Variants in ABCD3 observed in about 807,000 individuals in gnomAD.
ABCD3 encodes ATP binding cassette subfamily D member 3, also known as ATP-binding cassette sub-family D member 3.
ABCD3 carries 41 observed loss-of-function variants against 105.5 expected under a neutral mutation model. That is an observed-to-expected ratio of 0.39 (90% CI 0.30 to 0.50). ABCD3 has a LOEUF of 0.50. Ranked by LOEUF, ABCD3 falls within the 20% of genes least tolerant of loss-of-function variation. The pLI is 0.84. For synonymous variants in ABCD3, 258 were observed against 269.0 expected (o/e 0.96, Z 0.40); for missense variants, 622 against 806.3 (o/e 0.77, Z 2.77).
intron 1 of ABCD3, among the ~76,000 whole-genome samples, chr1:94,444,273 A>G (rs1660252233): frequency 6.9e-6 from 1 of 144,142 alleles, no homozygotes; most frequent in African/African-American, 2.6e-5. Flanking sequence ...CGGAGGTTGC[A>G]TTGAGCCAGG....
In ABCD3 at chr1:94,427,366, C is replaced by T. The variant is rs537873357; in HGVS notation, c.110+8778C>T. 3.8e-4 allele frequency among the ~76,000 whole-genome samples: 58 copies of T among 152,268 alleles called. 1 individual carries two copies. The highest frequency in any genetic ancestry group is 3.4e-3 in the Middle Eastern group (1 of 294). ...TAGTGAACAAAATTTACAAAAATTT[C>T]GTGGTCCCTTTCAAAGAAAAGAATG... On this transcript the variant is annotated intron_variant, in intron 1 of 22. Coordinates refer to ENST00000370214, the MANE Select transcript of ABCD3 (RefSeq NM_002858.4).
chr1:94,506,972 G>T (rs753408295), intron 21 of ABCD3, among the ~76,000 whole-genome samples: 12 of 151,470 alleles, frequency 7.9e-5, no homozygotes, highest in Non-Finnish European at 1.6e-4. Flanking sequence ...TATGTTAAAA[G>T]ATTTATTTAT....
chr1:94,417,405 T>C (rs546609292), upstream of ABCD3, among the ~76,000 whole-genome samples: 45 of 152,348 alleles, frequency 3.0e-4, no homozygotes, highest in African/African-American at 1.1e-3. Flanking sequence ...TCTGACACAC[T>C]TGCTTTTCTC....
At chr1:94,392,865 G>A in the ABCD3 span, among the ~76,000 whole-genome samples, 2 of 152,096 alleles carry the variant, frequency 1.3e-5, no homozygotes, top group Admixed American at 1.3e-4. Flanking sequence ...TGTAATCCCT[G>A]CACTTTGGGA....
chr1:94,513,838 GA>G (rs1308579732), intron 21 of ABCD3: 1 of 151,958 alleles, frequency 6.6e-6, no homozygotes, highest in East Asian at 1.9e-4. Context: ...TGAAAAATCA[GA>G]AAAGTGTGGT....
chr1:94,390,007 A>T, the ABCD3 span, among the ~76,000 whole-genome samples: 3 of 152,200 alleles, frequency 2.0e-5, no homozygotes, highest in Non-Finnish European at 4.4e-5. Context: ...GTAAAATGGC[A>T]AATATGTACT....
At chr1:94,491,684 G>A (rs575314848) in intron 16 of ABCD3, among the ~76,000 whole-genome samples, 49 of 152,194 alleles carry the variant, frequency 3.2e-4, no homozygotes, top group African/African-American at 1.2e-3. Flanking sequence ...CCGCACAGTA[G>A]CGCTACAAAT....
At chr1:94,469,459 G>A (rs931749569) in intron 4 of ABCD3, among the ~76,000 whole-genome samples, 2 of 143,418 alleles carry the variant, frequency 1.4e-5, no homozygotes, top group African/African-American at 5.2e-5. Context: ...TTTTCCTGGT[G>A]TTTACAAATT....
At chr1:94,426,005 A>G (rs1332569068) in intron 1 of ABCD3, among the ~76,000 whole-genome samples, 1 of 152,196 alleles carries the variant, frequency 6.6e-6, no homozygotes, top group Admixed American at 6.6e-5. Context: ...AGTGAGGATT[A>G]ATGGAGAAAA....
rs760083671 is a variant in ABCD3 at position 94,478,304 on chromosome 1, A to G, written c.673A>G (p.Ile225Val). 4.9e-5 allele frequency: 79 copies of G among 1,603,016 alleles called. No individual in the cohort carries two copies. Among genetic ancestry groups the G allele is most frequent in the Non-Finnish European group, 5.2e-5 (61 of 1,171,836 alleles). The change falls in exon 8 of 23, where the codon ATT becomes GTT. Residue 225 changes from isoleucine (I) to valine (V), a missense_variant. By Grantham distance (29) the Ile-to-Val change is conservative (BLOSUM62 3). This residue lies in a region of ABCD3 where 245 missense variants were observed against 356.4 expected (regional missense o/e 0.69). Transcript: ENST00000370214. ...GTATATCTTTAAGTTAACGAGTGCA[A>G]TTGGAGCTCAGGTGAGTCTGCTTTT... ...VLYIFKLTSA[I>V]GAQGPASMMA... is the part of the protein sequence containing the mutation.
In ABCD3 at chr1:94,492,005, A is replaced by G. The variant is rs569223172; in HGVS notation, c.1386+758A>G. On this transcript the variant is annotated intron_variant, in intron 16 of 22. Coordinates refer to ENST00000370214, the MANE Select transcript of ABCD3 (RefSeq NM_002858.4). Reference sequence around the variant, plus strand: ...ACACTTTCCCGTAGAACTTTCTGCAATGATGGAAATGCTCTATACTTTCAC... The same window carrying G: ...ACACTTTCCCGTAGAACTTTCTGCAGTGATGGAAATGCTCTATACTTTCAC... 7.2e-5 allele frequency among the ~76,000 whole-genome samples: 11 copies of G among 152,306 alleles called. 1 individual carries two copies. The East Asian group carries it at 9.6e-4, about 13-fold the overall frequency.
chr1:94,412,561 T>C, the ABCD3 span, among the ~76,000 whole-genome samples: 37 of 152,324 alleles, frequency 2.4e-4, no homozygotes, highest in African/African-American at 8.4e-4. Flanking sequence ...TTCCCAATTC[T>C]TTGCTCTTAC....
chr1:94,397,506 C>CAT, the ABCD3 span, among the ~76,000 whole-genome samples: 3 of 152,112 alleles, frequency 2.0e-5, no homozygotes, highest in Admixed American at 1.3e-4. Flanking sequence ...GATGTTTCTT[C>CAT]ATAATTAGTT....
chr1:94,401,244 T>C, the ABCD3 span, among the ~76,000 whole-genome samples: 1 of 152,238 alleles, frequency 6.6e-6, no homozygotes, highest in African/African-American at 2.4e-5. Context: ...ATATACTGTT[T>C]AAGAGAGATA....
At chr1:94,510,655 T>C (rs1474809845) in intron 21 of ABCD3, among the ~76,000 whole-genome samples, 2 of 152,146 alleles carry the variant, frequency 1.3e-5, no homozygotes, top group Non-Finnish European at 2.9e-5. Flanking sequence ...CAGGACTTGC[T>C]TTATGAATCT....
chr1:94,390,214 T>C, the ABCD3 span, among the ~76,000 whole-genome samples: 2 of 152,180 alleles, frequency 1.3e-5, no homozygotes, highest in Admixed American at 1.3e-4. Context: ...CCATGGTCCA[T>C]AGAGTTCCTG....
chr1:94,420,019 A>G (rs1659196024), intron 1 of ABCD3, among the ~76,000 whole-genome samples: 1 of 152,224 alleles, frequency 6.6e-6, no homozygotes, highest in Non-Finnish European at 1.5e-5. Context: ...CTGTTTTTGC[A>G]AAGAAGTGTT....
At chr1:94,475,860 A>G (rs1648712742) in intron 7 of ABCD3, 123 bp downstream of exon 7, 6 of 774,076 alleles carry the variant, frequency 7.8e-6, no homozygotes, top group African/African-American at 5.3e-5. Context: ...ATGCTTTTAT[A>G]AGAAAATTAG....
At chr1:94,494,419 A>C (rs1207963783) in intron 16 of ABCD3, among the ~76,000 whole-genome samples, 1 of 152,100 alleles carries the variant, frequency 6.6e-6, no homozygotes, top group African/African-American at 2.4e-5. Flanking sequence ...TTCTGACTTA[A>C]AGTATTCTAA....
Sources: gnomAD v4.1 joint callset for allele counts (sites outside exome capture counted in the v4.1 genomes callset) on GRCh38, gnomAD v4.1.1 for gene constraint, gnomAD v4.1.1 regional missense constraint, MANE v1.5 for transcripts, NCBI Gene and HGNC (gene_info 2026-07-23, HGNC 2026-07-21) for gene names.